STAT6: variants seen among roughly 807,000 people sequenced by gnomAD.
The protein encoded by STAT6 is STAT, interleukin4-induced.
A neutral mutation model predicts 106.3 loss-of-function variants in STAT6; 45 were observed. The observed-to-expected ratio is 0.42, with a 90% confidence interval of 0.33 to 0.54. The LOEUF is 0.54. STAT6 is among the 20% of genes least tolerant of loss of function. The pLI is 0.06. For synonymous variants in STAT6, 413 were observed against 413.6 expected (o/e 1.00, Z 0.02); for missense variants, 797 against 1,062.2 (o/e 0.75, Z 3.47).
At position 57,098,920 on chromosome 12, in the gene STAT6, G is replaced by A; in HGVS notation, c.1956-18C>T. The A allele has an allele frequency of 6.2e-7, 1 of 1,613,236 alleles. No homozygotes were observed. Among genetic ancestry groups the A allele is most frequent in the Non-Finnish European group, 8.5e-7 (1 of 1,179,312 alleles). ...GTTGGTCCCTGGAGGAGGGAAGGAGGTACATGTGACTGACCAAGGGTTGAT... is the reference window on the plus strand; with the variant it reads ...GTTGGTCCCTGGAGGAGGGAAGGAGATACATGTGACTGACCAAGGGTTGAT... On this transcript the variant is annotated intron_variant, in intron 17 of 21. Transcript: ENST00000300134.
At position 57,106,823 on chromosome 12, in the gene STAT6, G is replaced by A; in HGVS notation, c.348C>T (p.His116=). 1 of 1,613,826 alleles carries A rather than the reference G, an allele frequency of 6.2e-7. No individual in the cohort carries two copies. Among genetic ancestry groups the A allele is most frequent in the East Asian group, 2.2e-5 (1 of 44,858 alleles). ...EKKAVMEQFR[H]LPMPFHWKQE... Reference sequence around the variant, plus strand: ...GCTTCCAGTGGAAAGGCATTGGCAAGTGGCGGAACTACACAGGAAGGACAG... The same window carrying A: ...GCTTCCAGTGGAAAGGCATTGGCAAATGGCGGAACTACACAGGAAGGACAG... Residue 116 remains histidine, a synonymous_variant, in exon 5 of 22, where the codon CAC becomes CAT. Transcript: ENST00000300134.
At chr12:57,104,683 T>A (rs755415485) in intron 10 of STAT6, 43 bp downstream of exon 10, 1 of 1,613,668 alleles carries the variant, frequency 6.2e-7, no homozygotes, top group Non-Finnish European at 8.5e-7. Context: ...AGTCCCACAG[T>A]CTCCTAGTGG....
rs748570794 is a variant in STAT6, at chr12:57,096,824, G to A, written c.2354+26C>T. 5 of 1,613,810 alleles carry A rather than the reference G, an allele frequency of 3.1e-6. No individual in the cohort carries two copies. In the Admixed American group the frequency reaches 6.7e-5, roughly 22 times the overall value. ...CGCCCACTCCCCTAGATGCCACCCA[G>A]CCTCCACTCCCAAGCTGCCACTCAC... On this transcript the variant is annotated intron_variant, in intron 21 of 21. Coordinates refer to ENST00000300134, the MANE Select transcript of STAT6 (RefSeq NM_003153.5).
chr12:57,096,271 G>A lies in STAT6; in HGVS notation c.*301C>T. Reference sequence around the variant, plus strand: ...CCATCACCCTCAGAGAGCTCTGTATGTGTGTGTGCGTGCGTGTGCGCGCTG... The same window carrying A: ...CCATCACCCTCAGAGAGCTCTGTATATGTGTGTGCGTGCGTGTGCGCGCTG... On this transcript the variant is annotated 3_prime_UTR_variant, in exon 22 of 22. Coordinates refer to ENST00000300134, the MANE Select transcript of STAT6 (RefSeq NM_003153.5). 5.5e-6 allele frequency: 2 copies of A among 366,238 alleles called. No homozygotes were observed. The highest frequency in any genetic ancestry group is 8.1e-5 in the South Asian group (2 of 24,664). The allele number at this position is 366,238 out of a possible 1,614,324, so 22.7% of individuals were successfully genotyped here. A position where few individuals can be genotyped will look rare whatever the true frequency, so the allele number is the denominator to read the frequency against.
chr12:57,101,162 C>G (rs185659914), intron 13 of STAT6, among the ~76,000 whole-genome samples: 2 of 151,480 alleles, frequency 1.3e-5, no homozygotes, highest in Non-Finnish European at 2.9e-5. Flanking sequence ...AATCTTGGCT[C>G]GCTGCAACCT....
In STAT6 at chr12:57,099,215, G is replaced by A. The variant is rs922216308; in HGVS notation, c.1891+79C>T. ...AGGGAGTGACATCAGGATGACACGC[G>A]GGCAGGGAGAGGAGGGCAGCGGGGA... On this transcript the variant is annotated intron_variant, in intron 16 of 21. Transcript: ENST00000300134. The surrounding 1 kb of genome is among the most constrained non-coding windows in gnomAD (Gnocchi z 4.7). The A allele has an allele frequency of 1.3e-5, 21 of 1,599,424 alleles. No individual in the cohort carries two copies. Among genetic ancestry groups the A allele is most frequent in the South Asian group, 6.6e-5 (6 of 90,688 alleles).
chr12:57,100,704 A>AAG lies in STAT6; in HGVS notation c.1513-616_1513-615dup, dbSNP rs1471297882. ...AGAAAGAAAGAAAGAAAGAAAGAGA[A>AAG]AGAAAGAAAGAAAGAAAGAAAGAAA... On this transcript the variant is annotated intron_variant, in intron 13 of 21. Transcript: ENST00000300134. 182 of 41,238 alleles carry AAG rather than the reference A, an allele frequency of 4.4e-3. 1 individual carries two copies. Among genetic ancestry groups the AAG allele is most frequent in the East Asian group, 8.5e-3 (14 of 1,650 alleles). 2.6% of individuals were successfully genotyped at this position (41,238 alleles called of 1,614,324 possible). A position where few individuals can be genotyped will look rare whatever the true frequency, so the allele number is the denominator to read the frequency against.
chr12:57,099,505 C>T lies in STAT6; in HGVS notation c.1745-65G>A, dbSNP rs2033678188. The T allele has an allele frequency of 4.4e-6, 7 of 1,603,914 alleles. No individual in the cohort carries two copies. Among genetic ancestry groups the T allele is most frequent in the Non-Finnish European group, 6.0e-6 (7 of 1,172,782 alleles). ...CTTTCTTCCCCTTCCCCAACCCCTACCATAAGACCTGTTCTCACTCCACCA... is the reference window on the plus strand; with the variant it reads ...CTTTCTTCCCCTTCCCCAACCCCTATCATAAGACCTGTTCTCACTCCACCA... On this transcript the variant is annotated intron_variant, in intron 15 of 21. Coordinates refer to ENST00000300134, the MANE Select transcript of STAT6 (RefSeq NM_003153.5). This position sits in a 1 kb window ranked among gnomAD's most constrained non-coding sequence, Gnocchi z 4.7.
intron 19 of STAT6, among the ~76,000 whole-genome samples, chr12:57,097,886 T>A (rs2033554229): frequency 6.8e-6 from 1 of 147,962 alleles, no homozygotes; most frequent in Non-Finnish European, 1.5e-5. Context: ...TGAGACCCTG[T>A]CTCAAAAAAA....
chr12:57,096,528 G>C lies in STAT6; in HGVS notation c.*44C>G. ...CAAGTGTCCAGAGCAGGTCTGTGGGGGTAGTAGAAGAGCTGTCTCTTTGGG... is the reference window on the plus strand; with the variant it reads ...CAAGTGTCCAGAGCAGGTCTGTGGGCGTAGTAGAAGAGCTGTCTCTTTGGG... On this transcript the variant is annotated 3_prime_UTR_variant, in exon 22 of 22. Coordinates refer to ENST00000300134, the MANE Select transcript of STAT6 (RefSeq NM_003153.5). The C allele has an allele frequency of 6.6e-7, 1 of 1,524,750 alleles. No homozygotes were observed. The highest frequency in any genetic ancestry group is 8.8e-7 in the Non-Finnish European group (1 of 1,133,718). 94.5% of individuals were successfully genotyped at this position (1,524,750 alleles called of 1,614,324 possible). A position where few individuals can be genotyped will look rare whatever the true frequency, so the allele number is the denominator to read the frequency against.
At chr12:57,104,231 T>A in intron 11 of STAT6, 1 of 562,158 alleles carries the variant, frequency 1.8e-6, no homozygotes, top group South Asian at 2.1e-5. Flanking sequence ...TTTAATAGAG[T>A]GCCCTGGTCT....
In STAT6 at chr12:57,098,593, G is replaced by T. The variant is rs1310336785; in HGVS notation, c.2071C>A (p.Gln691Lys). The T allele has an allele frequency of 6.2e-7, 1 of 1,613,206 alleles. No individual in the cohort carries two copies. Among genetic ancestry groups the T allele is most frequent in the Non-Finnish European group, 8.5e-7 (1 of 1,179,614 alleles). Residue 691 changes from glutamine (Q) to lysine (K), a missense_variant, in exon 19 of 22, where the codon CAG becomes AAG. This residue lies in a region of STAT6 where 226 missense variants were observed against 236.7 expected (regional missense o/e 0.95). Transcript: ENST00000300134. ...GAGTGAGAGTGTGGTGGGTACACCT[G>T]GGGCCTGGGGAAAGAAAACAGACCC... ...SMQLGPDMVP[Q>K]VYPPHSHSIP...
At chr12:57,098,953 C>G (rs1018789632) in intron 17 of STAT6, 51 bp from the exon 18 acceptor site, 3 of 1,613,286 alleles carry the variant, frequency 1.9e-6, no homozygotes, top group Admixed American at 3.3e-5. Context: ...GATGCCACCC[C>G]TCCTTCCTGC....
intron 12 of STAT6, 62 bp downstream of exon 12, chr12:57,102,767 A>T: frequency 7.3e-7 from 1 of 1,373,206 alleles, no homozygotes; most frequent in Non-Finnish European, 1.0e-6. Flanking sequence ...GCAGGCCTGC[A>T]CCACTGCCCA....
At position 57,106,773 on chromosome 12, in the gene STAT6, C is replaced by T. The variant is rs761852923; in HGVS notation, c.398G>A (p.Gly133Asp). ...WKQEELKFKT[G>D]LRRLQHRVGE... is the part of the protein sequence containing the mutation. ...TACTCGGTGCTGCAGCCTCCGCAAG[C>T]CTGTCTTAAACTTGAGTTCTTCCTG... Residue 133 changes from glycine (G) to aspartate (D), a missense_variant, in exon 5 of 22, where the codon GGC becomes GAC. Around this residue, in one of 4 missense-constraint regions of STAT6, gnomAD observed 336 missense variants for 429.8 expected, o/e 0.78. Transcript: ENST00000300134. 4 of 1,614,176 alleles carry T rather than the reference C, an allele frequency of 2.5e-6. No homozygotes were observed. The highest frequency in any genetic ancestry group is 3.4e-6 in the Non-Finnish European group (4 of 1,180,032).
intron 7 of STAT6, 177 bp from the exon 8 acceptor site, chr12:57,105,776 C>G (rs2629435): frequency 1.8e-6 from 2 of 1,137,186 alleles, no homozygotes; most frequent in South Asian, 1.6e-5. Context: ...GGCCTAGGGT[C>G]TGGGTGGGAG....
Position 57,105,190 on chromosome 12 carries a change from G to T in STAT6, c.962C>A (p.Ala321Glu). 6.2e-7 allele frequency: 1 copy of T among 1,613,790 alleles called. No homozygotes were observed. The change falls in exon 9 of 22, where the codon GCG becomes GAG. Residue 321 changes from alanine to glutamate, a missense_variant. Around this residue, in one of 4 missense-constraint regions of STAT6, gnomAD observed 336 missense variants for 429.8 expected, o/e 0.78. Transcript: ENST00000300134. ...VRADMVTEKQ[A>E]RELSVPQGPG... is the part of the protein sequence containing the mutation. ...ACCCTGAGGCACACTCAGCTCCCGCGCCTGCTTCTCTGTCACCATGTCGGC... is the reference window on the plus strand; with the variant it reads ...ACCCTGAGGCACACTCAGCTCCCGCTCCTGCTTCTCTGTCACCATGTCGGC...
intron 20 of STAT6, 26 bp from the exon 21 acceptor site, chr12:57,097,004 A>G: frequency 3.1e-6 from 5 of 1,610,364 alleles, no homozygotes; most frequent in Non-Finnish European, 4.2e-6. Flanking sequence ...AATGGAAATA[A>G]GGAGAGCGGG....
Position 57,100,008 on chromosome 12 carries a change from T to C in STAT6, c.1595A>G (p.Tyr532Cys). ...LDLTKRCLRS[Y>C]WSDRLIIGFI... is the part of the protein sequence containing the mutation. The stretch of plus-strand genomic sequence containing the variant: ...GGTGGGGACTCACCGGTCAGACCAG[T>C]AGCTCCGGAGACAGCGTTTGGTGAG... Residue 532 changes from tyrosine to cysteine, a missense_variant, in exon 14 of 22, where the codon TAC becomes TGC. Coordinates refer to ENST00000300134, the MANE Select transcript of STAT6 (RefSeq NM_003153.5). 1 of 1,613,640 alleles carries C rather than the reference T, an allele frequency of 6.2e-7. No homozygotes were observed. Among genetic ancestry groups the C allele is most frequent in the South Asian group, 1.1e-5 (1 of 90,980 alleles).
Sources: allele counts gnomAD v4.1 joint callset (sites outside exome capture counted in the v4.1 genomes callset), GRCh38; gene constraint gnomAD v4.1.1; regional missense constraint gnomAD v4.1.1; non-coding constraint Gnocchi (gnomAD v3.1); transcripts MANE v1.5; gene names NCBI Gene and HGNC (gene_info 2026-07-23, HGNC 2026-07-21).